Variants in SLC38A4 observed in about 807,000 individuals in gnomAD.
SLC38A4 encodes solute carrier family 38 member 4.
A neutral mutation model predicts 63.1 loss-of-function variants in SLC38A4; 20 were observed. That is an observed-to-expected ratio of 0.32 (90% CI 0.22 to 0.46). The LOEUF (loss-of-function observed/expected upper bound fraction) is 0.46, where lower values mean the gene tolerates loss of function less well. Among genes scored for constraint, SLC38A4 ranks in the 20% least tolerant of loss-of-function variants. The pLI, the probability that SLC38A4 is intolerant of heterozygous loss-of-function variation, is 1.00. For synonymous variants in SLC38A4, 230 were observed against 225.5 expected, an observed-to-expected ratio of 1.02 and a Z score of -0.18; for missense variants, 526 against 663.6, an observed-to-expected ratio of 0.79 and a Z score of 2.28.
intron 14 of SLC38A4, among the ~76,000 whole-genome samples, chr12:46,772,353 A>T (rs1426973687): frequency 6.6e-6 from 1 of 152,116 alleles, no homozygotes; most frequent in African/African-American, 2.4e-5. Context: ...ATAAGATGAA[A>T]TACAAGTAGC....
chr12:46,820,531 T>C (rs1464507451), intron 1 of SLC38A4, among the ~76,000 whole-genome samples: 1 of 152,072 alleles, frequency 6.6e-6, no homozygotes, highest in East Asian at 1.9e-4. Flanking sequence ...GGCTGGGTAA[T>C]ATTTCATTTT....
intron 2 of SLC38A4, among the ~76,000 whole-genome samples, chr12:46,793,809 T>C (rs1208600502): frequency 6.6e-6 from 1 of 152,178 alleles, no homozygotes; most frequent in African/African-American, 2.4e-5. Context: ...ACTCATCATC[T>C]GTGTCAAATT....
chr12:46,822,567 A>G (rs1465258030), intron 1 of SLC38A4, among the ~76,000 whole-genome samples: 1 of 152,154 alleles, frequency 6.6e-6, no homozygotes, highest in Non-Finnish European at 1.5e-5. Flanking sequence ...ACCACTGGGC[A>G]CCTACTTTAT....
chr12:46,827,055 G>A (rs774029338), upstream of SLC38A4, among the ~76,000 whole-genome samples: 7 of 152,098 alleles, frequency 4.6e-5, no homozygotes, highest in Non-Finnish European at 8.8e-5. Flanking sequence ...CAAAATTGAG[G>A]GGAAACAAGG....
chr12:46,803,264 T>A (rs1048254629), intron 2 of SLC38A4, among the ~76,000 whole-genome samples: 7 of 152,066 alleles, frequency 4.6e-5, no homozygotes, highest in Admixed American at 2.6e-4. Flanking sequence ...ACAGATTATG[T>A]CAATTCTTCA....
intron 1 of SLC38A4, among the ~76,000 whole-genome samples, chr12:46,810,352 G>T (rs1332152372): frequency 1.3e-5 from 2 of 151,766 alleles, no homozygotes; most frequent in Non-Finnish European, 2.9e-5. Context: ...GAAGACATGG[G>T]CATAGGGAGG....
intron 1 of SLC38A4, among the ~76,000 whole-genome samples, chr12:46,816,629 T>A (rs1939447078): frequency 6.6e-6 from 1 of 151,896 alleles, no homozygotes; most frequent in East Asian, 1.9e-4. Flanking sequence ...TATAGGGAAT[T>A]TGAAGCCTAC....
intron 3 of SLC38A4, among the ~76,000 whole-genome samples, chr12:46,791,753 A>G (rs1938893335): frequency 6.6e-6 from 1 of 152,190 alleles, no homozygotes. Flanking sequence ...ACATCTGCAC[A>G]GGGAGAGGGT....
chr12:46,805,141 T>G (rs1285671770), intron 1 of SLC38A4, among the ~76,000 whole-genome samples: 1 of 151,950 alleles, frequency 6.6e-6, no homozygotes, highest in Non-Finnish European at 1.5e-5. Context: ...GTATAGATCG[T>G]TAAAGTTTTA....
At chr12:46,780,855 G>A (rs71462928) in intron 7 of SLC38A4, among the ~76,000 whole-genome samples, 76 of 151,998 alleles carry the variant, frequency 5.0e-4, no homozygotes, top group South Asian at 2.1e-4. Flanking sequence ...CACCCATTTG[G>A]TGAAGGATAA....
At chr12:46,778,392 G>T in intron 11 of SLC38A4, 24 bp from the exon 12 acceptor site, 5 of 1,611,926 alleles carry the variant, frequency 3.1e-6, no homozygotes, top group Non-Finnish European at 4.2e-6. Flanking sequence ...ACAACACCAC[G>T]TGTTTAGCAT....
chr12:46,778,164 G>T, intron 12 of SLC38A4, 125 bp downstream of exon 12: 1 of 821,200 alleles, frequency 1.2e-6, no homozygotes, highest in Non-Finnish European at 2.0e-6. Context: ...TGTTACTGAG[G>T]AGTGGATGGA....
chr12:46,788,488 C>T (rs1364476487), intron 4 of SLC38A4, 40 bp downstream of exon 4: 1 of 1,516,134 alleles, frequency 6.6e-7, no homozygotes, highest in East Asian at 2.3e-5. Context: ...ATCAGACACC[C>T]TCAGTCCCGT....
chr12:46,796,715 C>T (rs1193583820), intron 2 of SLC38A4, among the ~76,000 whole-genome samples: 1 of 150,874 alleles, frequency 6.6e-6, no homozygotes, highest in Non-Finnish European at 1.5e-5. Flanking sequence ...ACCTCTTTGT[C>T]TGCAGTAGAG....
At chr12:46,811,875 C>CA (rs148568451) in intron 1 of SLC38A4, among the ~76,000 whole-genome samples, 25,186 of 149,870 alleles carry the variant, frequency 0.17, 3,434 homozygotes, top group African/African-American at 0.38. Context: ...TAAACTATGT[C>CA]AAAAAAAAAG....
chr12:46,804,253 G>A (rs917823966), intron 1 of SLC38A4, among the ~76,000 whole-genome samples: 8 of 151,856 alleles, frequency 5.3e-5, no homozygotes, highest in South Asian at 2.1e-4. Context: ...CTACACCAAC[G>A]GCAGTGTGCT....
intron 2 of SLC38A4, among the ~76,000 whole-genome samples, chr12:46,799,764 T>C (rs972514462): frequency 6.6e-6 from 1 of 152,128 alleles, no homozygotes; most frequent in Non-Finnish European, 1.5e-5. Context: ...AAACTAAATA[T>C]TCTGAATCAT....
chr12:46,831,138 T>C (rs954390283), intron 1 of SLC38A4, among the ~76,000 whole-genome samples: 5 of 152,098 alleles, frequency 3.3e-5, no homozygotes, highest in Non-Finnish European at 7.4e-5. Flanking sequence ...TTCGCCGTTT[T>C]CCCCCACAAC....
intron 13 of SLC38A4, among the ~76,000 whole-genome samples, chr12:46,775,412 C>G (rs905032301): frequency 6.6e-6 from 1 of 152,030 alleles, no homozygotes; most frequent in African/African-American, 2.4e-5. Flanking sequence ...GCCTCTCAAG[C>G]TCATTTACAT....
Sources: gnomAD v4.1 joint callset for allele counts (sites outside exome capture counted in the v4.1 genomes callset) on GRCh38, gnomAD v4.1.1 for gene constraint, MANE v1.5 for transcripts, NCBI Gene and HGNC (gene_info 2026-07-23, HGNC 2026-07-21) for gene names.